The following YBX1 variants were observed in gnomAD, a reference collection of about 807,000 sequenced individuals.
YBX1 encodes the protein Y-box binding protein 1.
Under a neutral mutation model 41.4 loss-of-function variants are expected in YBX1, and 3 were observed. The observed-to-expected ratio is 0.07, with a 90% CI of 0.03 to 0.19. The LOEUF (loss-of-function observed/expected upper bound fraction) is 0.19, where lower values mean the gene tolerates loss of function less well. YBX1 is among the 10% of genes least tolerant of loss of function. The pLI is 1.00. For missense variants in YBX1, 274 were observed against 462.8 expected, an observed-to-expected ratio of 0.59 and a Z score of 3.74; for synonymous variants, 133 against 165.8, an observed-to-expected ratio of 0.80 and a Z score of 1.52.
rs1391274144 is a variant in YBX1 at position 42,703,351 on chromosome 1, G to T, written c.*1402G>T. ...CATCCTGGCCAGCTATCAGGGCCCA[G>T]GGGAAGCAGACAGTAGGGGTCGGGA... On this transcript the variant is annotated 3_prime_UTR_variant, in exon 8 of 8. Coordinates refer to ENST00000321358, the MANE Select transcript of YBX1 (RefSeq NM_004559.5). 6.6e-6 allele frequency among the ~76,000 whole-genome samples: 1 copy of T among 152,104 alleles called. No homozygotes were observed. Among genetic ancestry groups the T allele is most frequent in the African/African-American group, 2.4e-5 (1 of 41,420 alleles).
At chr1:42,698,478 C>T (rs1003273748) in intron 6 of YBX1, among the ~76,000 whole-genome samples, 2 of 152,318 alleles carry the variant, frequency 1.3e-5, no homozygotes, top group Non-Finnish European at 2.9e-5. Flanking sequence ...AAAATAGCCT[C>T]TCATGGCAGT....
Position 42,682,435 on chromosome 1 carries a change from C to G in YBX1, c.-131C>G. On this transcript the variant is annotated 5_prime_UTR_variant, in exon 1 of 8. It adds an upstream start codon to the 5' untranslated region. Coordinates refer to ENST00000321358, the MANE Select transcript of YBX1 (RefSeq NM_004559.5). ...GTCCCGCCATTCTCGCTAGTTCGAT[C>G]GGTAGCGGGAGCGGAGAGCGGACCC... 1 of 1,130,478 alleles carries G rather than the reference C, an allele frequency of 8.8e-7. No individual in the cohort carries two copies. Among genetic ancestry groups the G allele is most frequent in the Non-Finnish European group, 1.1e-6 (1 of 874,090 alleles). 70.0% of individuals were successfully genotyped at this position (1,130,478 alleles called of 1,614,324 possible). A position where few individuals can be genotyped will look rare whatever the true frequency, so the allele number is the denominator to read the frequency against.
At chr1:42,697,494 G>GA (rs1650490499) in intron 6 of YBX1, among the ~76,000 whole-genome samples, 1 of 152,120 alleles carries the variant, frequency 6.6e-6, no homozygotes. Context: ...TTCTGTCCTT[G>GA]AACAGGTAAG....
intron 2 of YBX1, among the ~76,000 whole-genome samples, chr1:42,684,543 CTG>C (rs1336738019): frequency 6.6e-6 from 1 of 152,202 alleles, no homozygotes; most frequent in Non-Finnish European, 1.5e-5. Flanking sequence ...TGATGAAAAA[CTG>C]TTCATTAATC....
At chr1:42,694,396 T>C (rs1344175455) in intron 3 of YBX1, among the ~76,000 whole-genome samples, 1 of 130,780 alleles carries the variant, frequency 7.6e-6, no homozygotes, top group Non-Finnish European at 1.7e-5. Context: ...GGAAAAAATA[T>C]GTTTGTGCTA....
Position 42,696,522 on chromosome 1 carries a change from C to CGGGGGGGG in YBX1, c.355-120_355-119insGGGGGGGG. 1.6e-6 allele frequency: 1 copy of CGGGGGGGG among 637,566 alleles called. No homozygotes were observed. The highest frequency in any genetic ancestry group is 3.3e-4 in the Middle Eastern group (1 of 3,034). The allele number at this position is 637,566 out of a possible 1,614,324, so 39.5% of individuals were successfully genotyped here. A position where few individuals can be genotyped will look rare whatever the true frequency, so the allele number is the denominator to read the frequency against. ...GGTCACGCAGTTGCGCCCCCCCCCC[C>CGGGGGGGG]TTTTTTTTCCTTAACTTTGTTGTTT... On this transcript the variant is annotated intron_variant, in intron 4 of 7. Coordinates refer to ENST00000321358, the MANE Select transcript of YBX1 (RefSeq NM_004559.5). The surrounding 1 kb of genome is among the most constrained non-coding windows in gnomAD (Gnocchi z 5.7).
intron 2 of YBX1, 112 bp from the exon 3 acceptor site, chr1:42,693,378 C>T: frequency 7.8e-7 from 1 of 1,277,266 alleles, no homozygotes; most frequent in Non-Finnish European, 1.1e-6. Context: ...TTGATTTTTG[C>T]CAAATTTCCT....
At chr1:42,686,231 G>T (rs1650193028) in intron 2 of YBX1, among the ~76,000 whole-genome samples, 2 of 152,142 alleles carry the variant, frequency 1.3e-5, no homozygotes, top group Admixed American at 1.3e-4. Context: ...ATGTTTTGAG[G>T]TGAAAGAATT....
At chr1:42,685,066 C>T (rs75509208) in intron 2 of YBX1, among the ~76,000 whole-genome samples, 1,799 of 152,232 alleles carry the variant, frequency 0.012, 37 homozygotes, top group African/African-American at 0.041. Context: ...CTCTGGTGTG[C>T]AAATTTGCAG....
intron 6 of YBX1, among the ~76,000 whole-genome samples, chr1:42,700,326 A>G (rs931442537): frequency 6.6e-6 from 1 of 152,078 alleles, no homozygotes; most frequent in Non-Finnish European, 1.5e-5. Context: ...TATCTTGGTG[A>G]TTAAAAGACT....
intron 6 of YBX1, among the ~76,000 whole-genome samples, chr1:42,697,910 G>A (rs555842823): frequency 8.5e-5 from 13 of 152,114 alleles, no homozygotes; most frequent in Non-Finnish European, 1.8e-4. Flanking sequence ...CCAGTCCCAC[G>A]GTGGTAGGAT....
chr1:42,683,796 C>T lies in YBX1; in HGVS notation c.230+330C>T, dbSNP rs541837200. Among the ~76,000 whole-genome samples, 4 of 152,270 alleles carry T rather than the reference C, an allele frequency of 2.6e-5. No individual in the cohort carries two copies. The East Asian group carries it at 7.7e-4, about 29-fold the overall frequency. On this transcript the variant is annotated intron_variant, in intron 2 of 7. Transcript: ENST00000321358. ...AAACTACGGTCCAGTACATTTTTATCCTTGTCATCTTTTTCTACTTTATTG... is the reference window on the plus strand; with the variant it reads ...AAACTACGGTCCAGTACATTTTTATTCTTGTCATCTTTTTCTACTTTATTG...
intron 7 of YBX1, 51 bp from the exon 8 acceptor site, chr1:42,701,930 A>G (rs1282317742): frequency 1.3e-5 from 2 of 152,838 alleles, no homozygotes; most frequent in Non-Finnish European, 2.9e-5. Context: ...ACTACACTAA[A>G]TGAAGATCAC....
chr1:42,691,858 A>C (rs566677100), intron 2 of YBX1, among the ~76,000 whole-genome samples: 1 of 150,896 alleles, frequency 6.6e-6, no homozygotes, highest in Non-Finnish European at 1.5e-5. Context: ...TTGGAAAAAA[A>C]TTTTATTTTT....
chr1:42,688,531 C>T (rs1167864341), intron 2 of YBX1, among the ~76,000 whole-genome samples: 2 of 152,172 alleles, frequency 1.3e-5, no homozygotes, highest in Non-Finnish European at 2.9e-5. Context: ...TAGCCACTGC[C>T]TATTGCTACT....
intron 3 of YBX1, among the ~76,000 whole-genome samples, chr1:42,693,924 C>G (rs904492244): frequency 8.5e-5 from 13 of 152,098 alleles, no homozygotes; most frequent in Admixed American, 6.5e-5. Flanking sequence ...TCTCCATAAT[C>G]AAGGGTAAAT....
At chr1:42,700,686 C>T in intron 6 of YBX1, 95 bp from the exon 7 acceptor site, 2 of 1,085,282 alleles carry the variant, frequency 1.8e-6, no homozygotes, top group Non-Finnish European at 2.6e-6. Context: ...ATGGGCCAGA[C>T]ATGGTGAGTT....
At chr1:42,682,933 CT>C (rs1650077779) in intron 1 of YBX1, 1 of 155,032 alleles carries the variant, frequency 6.5e-6, no homozygotes, top group African/African-American at 2.5e-5. Context: ...CCCGCGCCCC[CT>C]GTGGACCCCG....
chr1:42,685,297 G>A (rs544765389), intron 2 of YBX1, among the ~76,000 whole-genome samples: 50 of 152,184 alleles, frequency 3.3e-4, no homozygotes, highest in Non-Finnish European at 6.5e-4. Flanking sequence ...AACTCAATTG[G>A]TCATCCTCCA....
Sources: allele counts gnomAD v4.1 joint callset (sites outside exome capture counted in the v4.1 genomes callset), GRCh38; gene constraint gnomAD v4.1.1; non-coding constraint Gnocchi (gnomAD v3.1); transcripts MANE v1.5; gene names NCBI Gene and HGNC (gene_info 2026-07-23, HGNC 2026-07-21).